Variants in SASH1 observed in about 807,000 individuals in gnomAD.
SASH1 encodes the protein SAM and SH3 domain-containing protein 1.
A neutral mutation model predicts 125.2 loss-of-function variants in SASH1; 44 were observed. The observed-to-expected ratio is 0.35, with a 90% CI of 0.28 to 0.45. SASH1 has a LOEUF of 0.45. Ranked by LOEUF, SASH1 falls within the 20% of genes least tolerant of loss-of-function variation. The pLI is 1.00. For synonymous variants in SASH1, 639 were observed against 649.1 expected, an observed-to-expected ratio of 0.98 and a Z score of 0.24; for missense variants, 1,426 against 1,614.5, an observed-to-expected ratio of 0.88 and a Z score of 2.00.
intron 1 of SASH1, among the ~76,000 whole-genome samples, chr6:148,324,134 A>AAAAAAAAAAAAAAG (rs1780734508): frequency 1.3e-5 from 2 of 150,342 alleles, no homozygotes; most frequent in East Asian, 2.0e-4. Flanking sequence ...AAAAAAAAAA[A>AAAAAAAAAAAAAAG]AACAAGCATA....
the SASH1 span, among the ~76,000 whole-genome samples, chr6:148,259,655 A>C: frequency 6.6e-6 from 1 of 152,158 alleles, no homozygotes; most frequent in Admixed American, 6.6e-5. Flanking sequence ...ATACGCTTTC[A>C]TTCATTGCAT....
chr6:148,485,782 C>T (rs776968487), intron 7 of SASH1, among the ~76,000 whole-genome samples: 16 of 152,272 alleles, frequency 1.1e-4, no homozygotes, highest in Non-Finnish European at 1.8e-4. Flanking sequence ...ATTGTAGTGG[C>T]GCTACCACAT....
intron 2 of SASH1, among the ~76,000 whole-genome samples, chr6:148,409,474 G>A (rs976495854): frequency 1.3e-5 from 2 of 152,194 alleles, no homozygotes; most frequent in Non-Finnish European, 2.9e-5. Flanking sequence ...GAGAGGAGAG[G>A]CTGTCTTCTA....
chr6:148,336,908 C>T (rs186513973), intron 1 of SASH1, among the ~76,000 whole-genome samples: 127 of 152,290 alleles, frequency 8.3e-4, no homozygotes, highest in Admixed American at 2.7e-3. Flanking sequence ...TCTATTTTAC[C>T]TTACTTTAAC....
intron 8 of SASH1, among the ~76,000 whole-genome samples, chr6:148,499,156 TAGTC>T (rs1190538478): frequency 1.3e-5 from 2 of 150,602 alleles, no homozygotes; most frequent in African/African-American, 4.9e-5. Context: ...CTTAGAACGA[TAGTC>T]AGTCATGAGA....
At chr6:148,451,862 G>A (rs9377136) in intron 4 of SASH1, among the ~76,000 whole-genome samples, 82,458 of 152,016 alleles carry the variant, frequency 0.54, 22,781 homozygotes, top group East Asian at 0.72. Context: ...AATGCATCCT[G>A]TCTCCACATC....
At chr6:148,365,986 G>A (rs1156454959) in intron 1 of SASH1, among the ~76,000 whole-genome samples, 2 of 151,952 alleles carry the variant, frequency 1.3e-5, no homozygotes, top group Non-Finnish European at 2.9e-5. Context: ...GGTGGCGTGC[G>A]CCTGTAATCC....
the SASH1 span, among the ~76,000 whole-genome samples, chr6:148,216,179 A>G: frequency 6.6e-6 from 1 of 152,214 alleles, no homozygotes; most frequent in African/African-American, 2.4e-5. Flanking sequence ...TATACCAGCA[A>G]TACCTTCTAA....
At chr6:148,281,208 A>G (rs564719371) in intron 1 of SASH1, among the ~76,000 whole-genome samples, 16 of 140,980 alleles carry the variant, frequency 1.1e-4, no homozygotes, top group African/African-American at 4.3e-4. Flanking sequence ...TCCTCCTGCC[A>G]TGTCCTCCCA....
rs35487674 is a variant in SASH1 at position 148,471,386 on chromosome 6, CTTTTTTTTTTTTTT to C, written c.428-17_428-4del. 1.3e-4 allele frequency: 63 copies of C among 503,560 alleles called. No homozygotes were observed. Among genetic ancestry groups the C allele is most frequent in the East Asian group, 3.7e-4 (9 of 24,058 alleles). The allele number at this position is 503,560 out of a possible 1,614,324, so 31.2% of individuals were successfully genotyped here. A position where few individuals can be genotyped will look rare whatever the true frequency, so the allele number is the denominator to read the frequency against. ...GAATTTATTGCTTGTGCTTTTTGTTCTTTTTTTTTTTTTTTTTTTTTTTTTTTAAGGAAAAGGAG... is the reference window on the plus strand; with the variant it reads ...GAATTTATTGCTTGTGCTTTTTGTTCTTTTTTTTTTTTTAAGGAAAAGGAG... On this transcript the variant is annotated splice_polypyrimidine_tract_variant and intron_variant, in intron 5 of 19. Coordinates refer to ENST00000367467, the MANE Select transcript of SASH1 (RefSeq NM_015278.5).
chr6:148,493,564 G>T (rs1278342063), intron 8 of SASH1, among the ~76,000 whole-genome samples: 1 of 152,174 alleles, frequency 6.6e-6, no homozygotes, highest in African/African-American at 2.4e-5. Flanking sequence ...CAAGGCCTTT[G>T]TCACCAGACC....
intron 1 of SASH1, among the ~76,000 whole-genome samples, chr6:148,381,889 G>C (rs933893513): frequency 4.6e-5 from 7 of 152,144 alleles, no homozygotes; most frequent in Admixed American, 4.6e-4. Flanking sequence ...ACCCACCTCT[G>C]CCTCCCCAAA....
intron 1 of SASH1, chr6:148,278,715 G>C (rs1355363179): frequency 6.6e-6 from 1 of 152,082 alleles, no homozygotes; most frequent in Non-Finnish European, 1.5e-5. Context: ...GAATGATACA[G>C]AGAACACTAG....
intron 1 of SASH1, among the ~76,000 whole-genome samples, chr6:148,316,476 A>G (rs1400825301): frequency 6.6e-6 from 1 of 152,246 alleles, no homozygotes; most frequent in Non-Finnish European, 1.5e-5. Flanking sequence ...GCATAGATAT[A>G]TGTCACACTG....
At chr6:148,297,529 T>C (rs979733121) in intron 1 of SASH1, among the ~76,000 whole-genome samples, 4 of 152,206 alleles carry the variant, frequency 2.6e-5, no homozygotes, top group Non-Finnish European at 4.4e-5. Flanking sequence ...ATTTGGGATA[T>C]ATATGTATAC....
intron 10 of SASH1, among the ~76,000 whole-genome samples, chr6:148,523,698 C>T (rs1015985023): frequency 1.3e-5 from 2 of 152,166 alleles, no homozygotes; most frequent in Admixed American, 1.3e-4. Flanking sequence ...TCCTGGTATG[C>T]TCTGATTTTA....
At chr6:148,531,704 A>G (rs1287560366) in intron 13 of SASH1, 43 bp downstream of exon 13, 4 of 1,456,036 alleles carry the variant, frequency 2.7e-6, no homozygotes, top group Admixed American at 2.4e-5. Flanking sequence ...TTTGGAGTTA[A>G]TATCTGACAT....
chr6:148,327,445 C>T (rs1237340669), intron 1 of SASH1, among the ~76,000 whole-genome samples: 40 of 151,370 alleles, frequency 2.6e-4, no homozygotes, highest in Admixed American at 1.4e-3. Flanking sequence ...CCACCACGCC[C>T]GGCTAATTTT....
chr6:148,206,793 G>GCACACA, the SASH1 span, among the ~76,000 whole-genome samples: 23,276 of 134,318 alleles, frequency 0.17, 2,014 homozygotes, highest in Admixed American at 0.21. Context: ...CCATCTCAAA[G>GCACACA]CACACACACA....
Sources: allele counts gnomAD v4.1 joint callset (sites outside exome capture counted in the v4.1 genomes callset), GRCh38; gene constraint gnomAD v4.1.1; transcripts MANE v1.5; gene names NCBI Gene and HGNC (gene_info 2026-07-23, HGNC 2026-07-21).